Variants in CBLB observed in about 807,000 individuals in gnomAD.
CBLB encodes E3 ubiquitin-protein ligase CBL-B.
In CBLB, 31 loss-of-function variants were observed where a neutral mutation model predicts 104.9. That is an observed-to-expected ratio of 0.30 (90% CI 0.22 to 0.40). The LOEUF (loss-of-function observed/expected upper bound fraction) is 0.40, where lower values mean the gene tolerates loss of function less well. Ranked by LOEUF, CBLB falls within the 10% of genes least tolerant of loss-of-function variation. The pLI, the probability that CBLB is intolerant of heterozygous loss-of-function variation, is 1.00. For synonymous variants in CBLB, 440 were observed against 422.6 expected (o/e 1.04, Z -0.51); for missense variants, 1,062 against 1,214.6 (o/e 0.87, Z 1.87).
chr3:105,859,825 TA>T (rs1165253228), intron 2 of CBLB, among the ~76,000 whole-genome samples: 1 of 151,944 alleles, frequency 6.6e-6, no homozygotes, highest in African/African-American at 2.4e-5. Context: ...AAATAATTAC[TA>T]AATATAAAAA....
chr3:105,814,408 A>G (rs1308630450), intron 3 of CBLB, among the ~76,000 whole-genome samples: 1 of 152,214 alleles, frequency 6.6e-6, no homozygotes, highest in Non-Finnish European at 1.5e-5. Flanking sequence ...ACAAACCTGA[A>G]CTCAGTTATT....
At chr3:105,847,392 CCACACACACACACACACACACA>C (rs112192218) in intron 3 of CBLB, among the ~76,000 whole-genome samples, 1 of 143,436 alleles carries the variant, frequency 7.0e-6, no homozygotes, top group East Asian at 2.0e-4. Context: ...TAACCCTCCA[CCACACACACACACACACACACA>C]CACACACACA....
rs1576824899 is a variant in CBLB, at chr3:105,746,169, T to C, written c.724-131A>G. The C allele has an allele frequency of 6.1e-6, 4 of 653,936 alleles. No individual in the cohort carries two copies. The East Asian group carries it at 1.2e-4, about 19-fold the overall frequency. The allele number at this position is 653,936 out of a possible 1,614,324, so 40.5% of individuals were successfully genotyped here. On this transcript the variant is annotated intron_variant, in intron 5 of 18. Transcript: ENST00000394030. ...AAAAGTTAATCTGACCTTATGTGGTTTAGGTCAACCTTTGTTACTTAACAG... is the reference window on the plus strand; with the variant it reads ...AAAAGTTAATCTGACCTTATGTGGTCTAGGTCAACCTTTGTTACTTAACAG...
intron 7 of CBLB, among the ~76,000 whole-genome samples, chr3:105,738,611 A>T (rs1426863378): frequency 1.3e-5 from 2 of 152,214 alleles, no homozygotes; most frequent in African/African-American, 4.8e-5. Flanking sequence ...GATTACAAAA[A>T]TCATGATTAG....
intron 9 of CBLB, among the ~76,000 whole-genome samples, chr3:105,725,860 T>TA (rs1271763514): frequency 6.8e-6 from 1 of 147,462 alleles, no homozygotes; most frequent in Non-Finnish European, 1.5e-5. Context: ...CTTTTTTTTT[T>TA]ACTCTTTGAG....
chr3:105,759,396 AG>A (rs1185408589), intron 4 of CBLB, among the ~76,000 whole-genome samples: 11 of 152,172 alleles, frequency 7.2e-5, no homozygotes, highest in African/African-American at 2.4e-4. Flanking sequence ...CCTGTCTTGA[AG>A]GTAGGGCTTC....
intron 2 of CBLB, among the ~76,000 whole-genome samples, chr3:105,861,824 A>G (rs2092121342): frequency 6.6e-6 from 1 of 152,092 alleles, no homozygotes; most frequent in African/African-American, 2.4e-5. Context: ...AATAATCCAC[A>G]TACTCATTTT....
At chr3:105,844,431 C>A (rs2089980864) in intron 3 of CBLB, among the ~76,000 whole-genome samples, 1 of 152,222 alleles carries the variant, frequency 6.6e-6, no homozygotes, top group Non-Finnish European at 1.5e-5. Context: ...AATAGAACAT[C>A]TAAATTATCT....
At chr3:105,829,789 G>T (rs546408359) in intron 3 of CBLB, among the ~76,000 whole-genome samples, 12 of 137,924 alleles carry the variant, frequency 8.7e-5, no homozygotes, top group Non-Finnish European at 1.7e-4. Flanking sequence ...TTATACTTTT[G>T]AAACATTTCT....
intron 18 of CBLB, among the ~76,000 whole-genome samples, chr3:105,660,177 A>G (rs140865906): frequency 1.5e-4 from 23 of 152,250 alleles, no homozygotes; most frequent in African/African-American, 5.3e-4. Context: ...AAAAATACAC[A>G]CATACACACA....
chr3:105,660,333 G>A (rs770204087), intron 18 of CBLB, among the ~76,000 whole-genome samples: 3 of 151,586 alleles, frequency 2.0e-5, no homozygotes, highest in Non-Finnish European at 4.4e-5. Flanking sequence ...GATTACAGGC[G>A]TGCACCACCA....
rs1169026233 is a variant in CBLB, at chr3:105,824,490, G to T, written c.419+28924C>A. Reference sequence around the variant, plus strand: ...ACCACATATTTCTGTCACGTAAGAGGACTGAATATCATAAACACAGCCTTA... The same window carrying T: ...ACCACATATTTCTGTCACGTAAGAGTACTGAATATCATAAACACAGCCTTA... On this transcript the variant is annotated intron_variant, in intron 3 of 18. Transcript: ENST00000394030. Among the ~76,000 whole-genome samples the T allele has an allele frequency of 2.0e-5, 3 of 152,190 alleles. No homozygotes were observed. In the East Asian group the frequency reaches 5.8e-4, roughly 29 times the overall value.
chr3:105,869,441 T>G (rs564036276), upstream of CBLB: 3 of 1,312,836 alleles, frequency 2.3e-6, no homozygotes. Context: ...AGTCTTTTGT[T>G]TCATAGCAAC....
At chr3:105,844,782 T>C (rs1005483778) in intron 3 of CBLB, among the ~76,000 whole-genome samples, 3 of 152,206 alleles carry the variant, frequency 2.0e-5, no homozygotes, top group African/African-American at 7.2e-5. Context: ...TCCACTTCTT[T>C]GTTAAATCAC....
At chr3:105,759,819 T>C (rs1048075345) in intron 4 of CBLB, among the ~76,000 whole-genome samples, 1 of 152,096 alleles carries the variant, frequency 6.6e-6, no homozygotes, top group Non-Finnish European at 1.5e-5. Context: ...CCTGGAAGCA[T>C]GGGGCTCCAA....
At chr3:105,746,061 G>C in intron 5 of CBLB, 23 bp from the exon 6 acceptor site, 1 of 1,495,654 alleles carries the variant, frequency 6.7e-7, no homozygotes, top group Non-Finnish European at 9.3e-7. Context: ...AAAATTAAAA[G>C]AGATTAGTAT....
At chr3:105,757,710 A>G (rs1385861410) in intron 4 of CBLB, among the ~76,000 whole-genome samples, 1 of 152,260 alleles carries the variant, frequency 6.6e-6, no homozygotes, top group Non-Finnish European at 1.5e-5. Context: ...AGTAACTACC[A>G]TAATACAAAC....
At chr3:105,822,609 G>C (rs540004755) in intron 3 of CBLB, among the ~76,000 whole-genome samples, 2 of 152,238 alleles carry the variant, frequency 1.3e-5, no homozygotes, top group South Asian at 4.2e-4. Flanking sequence ...GACCTTTTTA[G>C]ATATGCATGG....
chr3:105,798,363 TG>T (rs2082469934), intron 3 of CBLB, among the ~76,000 whole-genome samples: 1 of 152,224 alleles, frequency 6.6e-6, no homozygotes, highest in African/African-American at 2.4e-5. Flanking sequence ...TTCTGTTTTT[TG>T]TTTTCTCTTT....
Sources: gnomAD v4.1 joint callset for allele counts (sites outside exome capture counted in the v4.1 genomes callset) on GRCh38, gnomAD v4.1.1 for gene constraint, MANE v1.5 for transcripts, NCBI Gene and HGNC (gene_info 2026-07-23, HGNC 2026-07-21) for gene names.